Variants in NMRK1 observed in about 807,000 individuals in gnomAD.
The protein encoded by NMRK1 is nicotinamide riboside kinase 1, also known as NRK 1.
A neutral mutation model predicts 29.9 loss-of-function variants in NMRK1; 28 were observed. That is an observed-to-expected ratio of 0.94 (90% CI 0.69 to 1.28). NMRK1 has a LOEUF of 1.28. NMRK1 is among the 50% of genes most tolerant of loss of function. The pLI, the probability that NMRK1 is intolerant of heterozygous loss-of-function variation, is 0.00. For missense variants in NMRK1, 218 were observed against 233.1 expected, an observed-to-expected ratio of 0.94 and a Z score of 0.42; for synonymous variants, 58 against 73.0, an observed-to-expected ratio of 0.79 and a Z score of 1.05.
At chr9:75,070,442 T>A (rs1823634267) in intron 4 of NMRK1, among the ~76,000 whole-genome samples, 1 of 152,202 alleles carries the variant, frequency 6.6e-6, no homozygotes, top group South Asian at 2.1e-4. Flanking sequence ...GAGGGAAATA[T>A]CTGTAATGTC....
At chr9:75,082,912 T>A in intron 2 of NMRK1, 175 bp downstream of exon 2, 1 of 591,028 alleles carries the variant, frequency 1.7e-6, no homozygotes, top group East Asian at 2.8e-5. Context: ...AGAAAACTCT[T>A]CCATCTCTTG....
intron 1 of NMRK1, 147 bp from the exon 2 acceptor site, chr9:75,083,297 C>T (rs764069237): frequency 1.4e-4 from 86 of 617,324 alleles, no homozygotes; most frequent in Middle Eastern, 4.3e-4. Context: ...ACATTCCCGC[C>T]GCACTGGCTT....
chr9:75,068,190 C>T (rs2118049382), intron 7 of NMRK1, among the ~76,000 whole-genome samples: 1 of 152,142 alleles, frequency 6.6e-6, no homozygotes, highest in East Asian at 1.9e-4. Context: ...TGCGGGCGTC[C>T]AACATCACAC....
chr9:75,071,844 A>G (rs1012457084), intron 4 of NMRK1, among the ~76,000 whole-genome samples: 1 of 152,022 alleles, frequency 6.6e-6, no homozygotes, highest in African/African-American at 2.4e-5. Flanking sequence ...CGCCCTGAGT[A>G]AGGAAGGTGA....
At chr9:75,061,718 C>A in intron 8 of NMRK1, 151 bp from the exon 9 acceptor site, 1 of 629,666 alleles carries the variant, frequency 1.6e-6, no homozygotes, top group Non-Finnish European at 2.8e-6. Flanking sequence ...TAAATTGAGT[C>A]CAAGTCCCAT....
chr9:75,087,670 GCAGTAGGTCAT>G (rs1824749814), intron 1 of NMRK1: 1 of 151,922 alleles, frequency 6.6e-6, no homozygotes, highest in Non-Finnish European at 1.5e-5. Context: ...CAGCAGGCGG[GCAGTAGGTCAT>G]CACCCCAACG....
chr9:75,087,299 A>G (rs1276763489), intron 1 of NMRK1, among the ~76,000 whole-genome samples: 1 of 152,204 alleles, frequency 6.6e-6, no homozygotes, highest in Non-Finnish European at 1.5e-5. Flanking sequence ...TTAATTTACA[A>G]TATTGACTGT....
intron 1 of NMRK1, among the ~76,000 whole-genome samples, chr9:75,084,074 A>T (rs1204764770): frequency 6.6e-6 from 1 of 152,194 alleles, no homozygotes; most frequent in Admixed American, 6.5e-5. Flanking sequence ...AGTTTCATAC[A>T]TGCCTCCCTA....
At chr9:75,081,635 A>T (rs903900519) in intron 2 of NMRK1, among the ~76,000 whole-genome samples, 1 of 152,042 alleles carries the variant, frequency 6.6e-6, no homozygotes. Flanking sequence ...CCTGTAGTGG[A>T]CTTTGTAGTT....
intron 4 of NMRK1, among the ~76,000 whole-genome samples, chr9:75,075,742 A>G (rs1486190753): frequency 6.6e-6 from 1 of 152,364 alleles, no homozygotes; most frequent in South Asian, 2.1e-4. Flanking sequence ...AGAGAAAAAA[A>G]CAAAACCAAA....
Position 75,061,031 on chromosome 9 carries a change from C to T in NMRK1, c.*517G>A, listed in dbSNP as rs1173940320. On this transcript the variant is annotated 3_prime_UTR_variant, in exon 9 of 9. Transcript: ENST00000361092. ...TGGGATGGTATGGAGCAACATTTTC[C>T]AAATTGTGGTTGTGATCAATATGTT... is the stretch of plus-strand genomic sequence containing the variant. 6.6e-6 allele frequency: 1 copy of T among 152,626 alleles called. No individual in the cohort carries two copies. Among genetic ancestry groups the T allele is most frequent in the Admixed American group, 6.5e-5 (1 of 15,334 alleles). 9.5% of individuals were successfully genotyped at this position (152,626 alleles called of 1,614,324 possible). A position where few individuals can be genotyped will look rare whatever the true frequency, so the allele number is the denominator to read the frequency against.
chr9:75,077,268 G>T, intron 3 of NMRK1, 61 bp from the exon 4 acceptor site: 1 of 1,146,984 alleles, frequency 8.7e-7, no homozygotes, highest in Non-Finnish European at 1.3e-6. Flanking sequence ...TACAATTATA[G>T]ACTAAAAAGG....
chr9:75,077,315 A>G, intron 3 of NMRK1, 108 bp from the exon 4 acceptor site: 1 of 907,798 alleles, frequency 1.1e-6, no homozygotes, highest in Non-Finnish European at 1.8e-6. Context: ...ATGATCAAAG[A>G]AAGATCAGCA....
intron 8 of NMRK1, among the ~76,000 whole-genome samples, chr9:75,065,571 A>G (rs1823291810): frequency 6.6e-6 from 1 of 151,950 alleles, no homozygotes; most frequent in African/African-American, 2.4e-5. Flanking sequence ...CTCCCAATTT[A>G]GCCTCCCAAA....
In NMRK1 at chr9:75,069,085, G is replaced by A; in HGVS notation, c.407C>T (p.Pro136Leu). 1 of 1,613,502 alleles carries A rather than the reference G, an allele frequency of 6.2e-7. No individual in the cohort carries two copies. The highest frequency in any genetic ancestry group is 8.5e-7 in the Non-Finnish European group (1 of 1,179,440). ...ATCAAAGTATCCCGGAGAGTCTGGAGGCTGATAGACCCTTGTACTATCAAA... is the reference window on the plus strand; with the variant it reads ...ATCAAAGTATCCCGGAGAGTCTGGAAGCTGATAGACCCTTGTACTATCAAA... ...KRRRSTRVYQ[P>L]PDSPGYFDGH... is the part of the protein sequence containing the mutation. Residue 136 changes from proline to leucine, a missense_variant, in exon 7 of 9, where the codon CCT (proline) becomes CTT (leucine). Coordinates refer to ENST00000361092, the MANE Select transcript of NMRK1 (RefSeq NM_017881.3).
At chr9:75,063,324 A>C (rs1823146213) in intron 8 of NMRK1, among the ~76,000 whole-genome samples, 1 of 150,176 alleles carries the variant, frequency 6.7e-6, no homozygotes, top group African/African-American at 2.4e-5. Flanking sequence ...AAAAAAAGAA[A>C]GAAAAAAAGA....
rs1392988116 is a variant in NMRK1 at position 75,083,140 on chromosome 9, C to T, written c.-25G>A. On this transcript the variant is annotated 5_prime_UTR_variant, in exon 2 of 9. Transcript: ENST00000361092. The stretch of plus-strand genomic sequence containing the variant: ...TAATTAGCTTTGAAAATCACAGCTT[C>T]CTAATATTTCCTAAAAGTAAAAAAA... 1.3e-6 allele frequency: 2 copies of T among 1,486,242 alleles called. No individual in the cohort carries two copies. Among genetic ancestry groups the T allele is most frequent in the Non-Finnish European group, 1.9e-6 (2 of 1,063,608 alleles). The allele number at this position is 1,486,242 out of a possible 1,614,324, so 92.1% of individuals were successfully genotyped here.
intron 2 of NMRK1, among the ~76,000 whole-genome samples, chr9:75,080,516 G>T (rs547892033): frequency 6.6e-5 from 10 of 152,306 alleles, no homozygotes; most frequent in African/African-American, 2.4e-4. Context: ...GCTGGGCGTG[G>T]TGGTGCATGC....
At chr9:75,065,105 T>A (rs1233904999) in intron 8 of NMRK1, among the ~76,000 whole-genome samples, 1 of 152,220 alleles carries the variant, frequency 6.6e-6, no homozygotes, top group African/African-American at 2.4e-5. Context: ...GCTAAAGCCA[T>A]CCTCCCACCT....
Sources: gnomAD v4.1 joint callset for allele counts (sites outside exome capture counted in the v4.1 genomes callset) on GRCh38, gnomAD v4.1.1 for gene constraint, MANE v1.5 for transcripts, NCBI Gene and HGNC (gene_info 2026-07-23, HGNC 2026-07-21) for gene names.